The following ADRA1A variants were observed in gnomAD, a reference collection of about 807,000 sequenced individuals.
ADRA1A encodes the protein alpha-1A adrenergic receptor.
In ADRA1A, 31 loss-of-function variants were observed where a neutral mutation model predicts 29.6. That is an observed-to-expected ratio of 1.05 (90% CI 0.79 to 1.41). ADRA1A has a LOEUF of 1.41. ADRA1A is among the 40% of genes most tolerant of loss of function. ADRA1A has a pLI of 0.00. For missense variants in ADRA1A, 619 were observed against 601.1 expected (o/e 1.03, Z -0.31); for synonymous variants, 311 against 254.3 (o/e 1.22, Z -2.12).
At chr8:26,837,971 T>C (rs1811511735) in intron 2 of ADRA1A, among the ~76,000 whole-genome samples, 1 of 152,232 alleles carries the variant, frequency 6.6e-6, no homozygotes, top group Admixed American at 6.5e-5. Flanking sequence ...TTGTATGCAG[T>C]GCAATGTACA....
At chr8:26,803,300 A>G (rs528257861) in intron 2 of ADRA1A, among the ~76,000 whole-genome samples, 1 of 152,320 alleles carries the variant, frequency 6.6e-6, no homozygotes, top group East Asian at 1.9e-4. Context: ...TTCTGATACG[A>G]TTATTACACA....
chr8:26,821,801 T>G lies in ADRA1A; in HGVS notation c.883+42286A>C, dbSNP rs1421947042. 1.3e-5 allele frequency among the ~76,000 whole-genome samples: 2 copies of G among 152,214 alleles called. No homozygotes were observed. Among genetic ancestry groups the G allele is most frequent in the Admixed American group, 1.3e-4 (2 of 15,282 alleles). Reference sequence around the variant, plus strand: ...TGGAAATCACTAATCTGTTCTCTATTTCTATAATTTTGTCATTTCAAGAAT... The same window carrying G: ...TGGAAATCACTAATCTGTTCTCTATGTCTATAATTTTGTCATTTCAAGAAT... On this transcript the variant is annotated intron_variant, in intron 2 of 2. Coordinates refer to ENST00000380573, the MANE Select transcript of ADRA1A (RefSeq NM_000680.4). The surrounding 1 kb of genome is among the most constrained non-coding windows in gnomAD (Gnocchi z 5.6).
At chr8:26,795,669 CT>C (rs1440968409) in intron 2 of ADRA1A, among the ~76,000 whole-genome samples, 1 of 152,048 alleles carries the variant, frequency 6.6e-6, no homozygotes, top group African/African-American at 2.4e-5. Context: ...TTTTTACCTC[CT>C]GATGGAAGTA....
At chr8:26,827,050 G>A (rs1810627059) in intron 2 of ADRA1A, among the ~76,000 whole-genome samples, 1 of 152,204 alleles carries the variant, frequency 6.6e-6, no homozygotes, top group South Asian at 2.1e-4. Context: ...TGGAGGGCAA[G>A]AACTGAATCT....
chr8:26,791,081 T>A (rs1236374500), intron 2 of ADRA1A, among the ~76,000 whole-genome samples: 1 of 152,168 alleles, frequency 6.6e-6, no homozygotes, highest in Non-Finnish European at 1.5e-5. Flanking sequence ...CAACTATGAT[T>A]GTATTTAGAG....
chr8:26,865,712 T>C lies in ADRA1A; in HGVS notation c.-686-57A>G, dbSNP rs940312303. On this transcript the variant is annotated intron_variant, in intron 1 of 2. Coordinates refer to ENST00000380573, the MANE Select transcript of ADRA1A (RefSeq NM_000680.4). The surrounding 1 kb of genome is among the most constrained non-coding windows in gnomAD (Gnocchi z 7.6). Reference sequence around the variant, plus strand: ...AGCTAGGCGCCCCAGGGAAAGAGGCTGTGCTGAGCTTGACGGGTTGGGGGA... The same window carrying C: ...AGCTAGGCGCCCCAGGGAAAGAGGCCGTGCTGAGCTTGACGGGTTGGGGGA... 1.0e-6 allele frequency: 1 copy of C among 985,492 alleles called. No individual in the cohort carries two copies. Among genetic ancestry groups the C allele is most frequent in the Non-Finnish European group, 1.2e-6 (1 of 830,138 alleles). 61.0% of individuals were successfully genotyped at this position (985,492 alleles called of 1,614,324 possible).
At chr8:26,788,473 C>A (rs568176895) in intron 2 of ADRA1A, among the ~76,000 whole-genome samples, 13 of 152,214 alleles carry the variant, frequency 8.5e-5, no homozygotes, top group African/African-American at 3.1e-4. Context: ...GATCTCATAA[C>A]CCATGTGGAG....
intron 2 of ADRA1A, among the ~76,000 whole-genome samples, chr8:26,800,114 C>G (rs1033090634): frequency 6.6e-6 from 1 of 152,054 alleles, no homozygotes; most frequent in African/African-American, 2.4e-5. Context: ...CAAAACTTAG[C>G]CAGGCATGTT....
chr8:26,794,280 TTATC>T (rs1808035652), intron 2 of ADRA1A, among the ~76,000 whole-genome samples: 1 of 152,098 alleles, frequency 6.6e-6, no homozygotes. Context: ...TCATGCAACT[TTATC>T]TGTCTCTTCA....
At chr8:26,819,047 C>A (rs1443596802) in intron 2 of ADRA1A, among the ~76,000 whole-genome samples, 1 of 151,984 alleles carries the variant, frequency 6.6e-6, no homozygotes, top group African/African-American at 2.4e-5. Context: ...ACATTATAAT[C>A]AAATTATTAA....
At chr8:26,800,923 T>C (rs879267269) in intron 2 of ADRA1A, among the ~76,000 whole-genome samples, 1 of 152,156 alleles carries the variant, frequency 6.6e-6, no homozygotes, top group Admixed American at 6.6e-5. Flanking sequence ...AAAAAGATTA[T>C]TCATCATGAC....
chr8:26,756,753 C>G (rs193252329), exon 3 of ADRA1A: 1 of 1,614,168 alleles, frequency 6.2e-7, no homozygotes, highest in African/African-American at 1.3e-5. Flanking sequence ...GGACGGGAAG[C>G]TGGCTTCATG....
intron 2 of ADRA1A, among the ~76,000 whole-genome samples, chr8:26,758,328 TGAA>T (rs1178567444): frequency 6.6e-6 from 1 of 152,146 alleles, no homozygotes; most frequent in Non-Finnish European, 1.5e-5. Flanking sequence ...CAAAGGAAAG[TGAA>T]GGACTTATTT....
chr8:26,857,700 A>G (rs937128870), intron 2 of ADRA1A, among the ~76,000 whole-genome samples: 4 of 152,132 alleles, frequency 2.6e-5, no homozygotes, highest in African/African-American at 9.7e-5. Flanking sequence ...TAATGGCACT[A>G]GTTTTTCTTC....
intron 2 of ADRA1A, among the ~76,000 whole-genome samples, chr8:26,785,270 T>C (rs563847873): frequency 2.0e-3 from 312 of 152,354 alleles, no homozygotes; most frequent in Non-Finnish European, 3.4e-3. Context: ...GACTAGTCTA[T>C]ATGTATTTCA....
At chr8:26,772,969 A>G (rs531457621) in intron 2 of ADRA1A, among the ~76,000 whole-genome samples, 3 of 152,320 alleles carry the variant, frequency 2.0e-5, no homozygotes, top group African/African-American at 7.2e-5. Context: ...TAATTATAAT[A>G]AAGTTTACAG....
chr8:26,797,599 T>C (rs1341623656), intron 2 of ADRA1A, among the ~76,000 whole-genome samples: 2 of 152,050 alleles, frequency 1.3e-5, no homozygotes, highest in Non-Finnish European at 2.9e-5. Flanking sequence ...ATGCCTGACC[T>C]ATTATTGTTA....
At chr8:26,847,375 T>C (rs770557427) in intron 2 of ADRA1A, among the ~76,000 whole-genome samples, 22 of 152,140 alleles carry the variant, frequency 1.4e-4, no homozygotes, top group Non-Finnish European at 2.4e-4. Flanking sequence ...TTAGGAAAAG[T>C]TTATTATCCT....
At position 26,859,104 on chromosome 8, in the gene ADRA1A, T is replaced by C. The variant is rs1209736520; in HGVS notation, c.883+4983A>G. Reference sequence around the variant, plus strand: ...CAGCTGTGGATAGCACACTCATCCCTGCCCTGGTTTCAGTTTTTAATCTCT... The same window carrying C: ...CAGCTGTGGATAGCACACTCATCCCCGCCCTGGTTTCAGTTTTTAATCTCT... On this transcript the variant is annotated intron_variant, in intron 2 of 2. Transcript: ENST00000380573. 3 of 1,289,620 alleles carry C rather than the reference T, an allele frequency of 2.3e-6. No homozygotes were observed. The African/African-American group carries it at 4.6e-5, about 20-fold the overall frequency. 79.9% of individuals were successfully genotyped at this position (1,289,620 alleles called of 1,614,324 possible).
Sources: allele counts gnomAD v4.1 joint callset (sites outside exome capture counted in the v4.1 genomes callset), GRCh38; gene constraint gnomAD v4.1.1; non-coding constraint Gnocchi (gnomAD v3.1); transcripts MANE v1.5; gene names NCBI Gene and HGNC (gene_info 2026-07-23, HGNC 2026-07-21).